Variants in CSMD3 observed in about 807,000 individuals in gnomAD.
CSMD3 encodes CUB and sushi domain-containing protein 3.
CSMD3 carries 177 observed loss-of-function variants against 435.2 expected under a neutral mutation model. That is an observed-to-expected ratio of 0.41 (90% confidence interval 0.36 to 0.46). The LOEUF is 0.46. CSMD3 is among the 20% of genes least tolerant of loss of function. The pLI is 0.34. For missense variants in CSMD3, 4,265 were observed against 4,504.6 expected, an observed-to-expected ratio of 0.95 and a Z score of 1.52; for synonymous variants, 1,656 against 1,520.5, an observed-to-expected ratio of 1.09 and a Z score of -2.07.
At chr8:113,284,789 T>G (rs573862176) in intron 2 of CSMD3, among the ~76,000 whole-genome samples, 3 of 152,348 alleles carry the variant, frequency 2.0e-5, no homozygotes, top group East Asian at 3.9e-4. Context: ...TTGCATATAT[T>G]GCTCGTTACT....
At chr8:113,038,727 C>G (rs1043578322) in intron 5 of CSMD3, among the ~76,000 whole-genome samples, 1 of 152,136 alleles carries the variant, frequency 6.6e-6, no homozygotes, top group Non-Finnish European at 1.5e-5. Flanking sequence ...GGAGCCCTTA[C>G]AGGAAAAACA....
chr8:112,861,855 G>A (rs2080836116), intron 10 of CSMD3, among the ~76,000 whole-genome samples: 1 of 151,788 alleles, frequency 6.6e-6, no homozygotes, highest in Non-Finnish European at 1.5e-5. Flanking sequence ...GTAATTCTCT[G>A]GCATCCTTTG....
At chr8:113,160,072 C>T (rs2092009233) in intron 4 of CSMD3, among the ~76,000 whole-genome samples, 2 of 151,674 alleles carry the variant, frequency 1.3e-5, no homozygotes, top group African/African-American at 4.8e-5. Context: ...TTGTAAATAA[C>T]AATAAGTGAG....
chr8:112,967,154 C>A (rs536800142), intron 7 of CSMD3, among the ~76,000 whole-genome samples: 19 of 140,952 alleles, frequency 1.3e-4, no homozygotes, highest in Admixed American at 8.3e-4. Context: ...ATTTGAAAAG[C>A]GTACTATAAG....
intron 10 of CSMD3, among the ~76,000 whole-genome samples, chr8:112,913,429 G>A (rs1357188167): frequency 6.6e-6 from 1 of 151,912 alleles, no homozygotes; most frequent in African/African-American, 2.4e-5. Flanking sequence ...CCTGCTGTGT[G>A]AGCCTGGTTC....
At chr8:112,279,219 T>G (rs1586634166) in intron 59 of CSMD3, among the ~76,000 whole-genome samples, 1 of 152,204 alleles carries the variant, frequency 6.6e-6, no homozygotes, top group East Asian at 1.9e-4. Context: ...GAACAGATTC[T>G]GATATGTAGT....
intron 42 of CSMD3, among the ~76,000 whole-genome samples, chr8:112,339,931 T>C (rs1824939563): frequency 6.6e-6 from 1 of 152,160 alleles, no homozygotes; most frequent in African/African-American, 2.4e-5. Flanking sequence ...TAATAATACG[T>C]CAGTAACAGT....
Position 113,222,566 on chromosome 8 carries a change from C to T in CSMD3, c.515-48650G>A, listed in dbSNP as rs567357445. ...GAATTTTACGAGGAGAAATAACTAT[C>T]ATTTCTCATCACCATGTAGATAAAA... On this transcript the variant is annotated intron_variant, in intron 3 of 70. Transcript: ENST00000297405. Among the ~76,000 whole-genome samples the T allele has an allele frequency of 3.3e-5, 5 of 151,142 alleles. No individual in the cohort carries two copies. In the South Asian group the frequency reaches 1.0e-3, roughly 31 times the overall value.
chr8:113,270,718 C>T (rs1184337429), intron 3 of CSMD3, among the ~76,000 whole-genome samples: 3 of 151,774 alleles, frequency 2.0e-5, no homozygotes, highest in Non-Finnish European at 4.4e-5. Context: ...AGCAAACTAT[C>T]GCAAGGACAA....
chr8:113,093,469 G>A (rs565583714), intron 5 of CSMD3, among the ~76,000 whole-genome samples: 5 of 152,226 alleles, frequency 3.3e-5, no homozygotes, highest in South Asian at 2.1e-4. Context: ...GTCAAATGTT[G>A]CAGATAAATC....
At chr8:113,425,260 A>T (rs2094629580) in intron 1 of CSMD3, among the ~76,000 whole-genome samples, 1 of 151,540 alleles carries the variant, frequency 6.6e-6, no homozygotes. Context: ...AAAGCATAAT[A>T]TTCTAAATTT....
chr8:112,722,871 T>G lies in CSMD3; in HGVS notation c.1973-32821A>C, dbSNP rs565536935. 8.5e-5 allele frequency among the ~76,000 whole-genome samples: 13 copies of G among 152,272 alleles called. No homozygotes were observed. The East Asian group carries it at 2.1e-3, about 25-fold the overall frequency. On this transcript the variant is annotated intron_variant, in intron 13 of 70. Coordinates refer to ENST00000297405, the MANE Select transcript of CSMD3 (RefSeq NM_198123.2). The stretch of plus-strand genomic sequence containing the variant: ...AGTGGGAGTATTAAGATGACTCACT[T>G]GTAACTGAAGATCAAAAATCACAAA...
chr8:113,102,421 G>A (rs975981203), intron 4 of CSMD3, among the ~76,000 whole-genome samples: 3 of 152,110 alleles, frequency 2.0e-5, no homozygotes, highest in Non-Finnish European at 4.4e-5. Context: ...TAATCTCTCT[G>A]ACTATAATGA....
At chr8:112,792,793 G>A (rs915788305) in intron 13 of CSMD3, among the ~76,000 whole-genome samples, 1 of 151,980 alleles carries the variant, frequency 6.6e-6, no homozygotes, top group Non-Finnish European at 1.5e-5. Flanking sequence ...TAAAAAATAT[G>A]TATCTTTTCT....
intron 12 of CSMD3, among the ~76,000 whole-genome samples, chr8:112,825,690 A>C (rs1254730119): frequency 6.6e-6 from 1 of 152,118 alleles, no homozygotes; most frequent in Non-Finnish European, 1.5e-5. Context: ...GGAGAACAGC[A>C]AGGATGGGTG....
At chr8:113,233,884 A>T (rs1174961947) in intron 3 of CSMD3, among the ~76,000 whole-genome samples, 2 of 152,224 alleles carry the variant, frequency 1.3e-5, no homozygotes, top group East Asian at 3.9e-4. Flanking sequence ...TGAGTTAGAT[A>T]AAAAGATCAG....
At chr8:113,069,783 T>C (rs1198051337) in intron 5 of CSMD3, among the ~76,000 whole-genome samples, 1 of 152,104 alleles carries the variant, frequency 6.6e-6, no homozygotes, top group Non-Finnish European at 1.5e-5. Context: ...GTAGAAGACA[T>C]GCCACTTTCA....
In CSMD3 at chr8:113,013,740, C is replaced by T. The variant is rs2086346849; in HGVS notation, c.1030+5327G>A. Reference sequence around the variant, plus strand: ...CTCTTTAACCACTGGGCTCAAGAGCCTGGGGAGCGAGTCCATTGTTTATGT... The same window carrying T: ...CTCTTTAACCACTGGGCTCAAGAGCTTGGGGAGCGAGTCCATTGTTTATGT... On this transcript the variant is annotated intron_variant, in intron 6 of 70. Transcript: ENST00000297405. Among the ~76,000 whole-genome samples the T allele has an allele frequency of 2.0e-5, 3 of 152,126 alleles. 1 individual carries two copies. The highest frequency in any genetic ancestry group is 6.8e-3 in the Middle Eastern group (2 of 294).
chr8:112,897,680 C>CTT (rs1359898103), intron 10 of CSMD3, among the ~76,000 whole-genome samples: 2 of 88,622 alleles, frequency 2.3e-5, no homozygotes, highest in Non-Finnish European at 4.5e-5. Context: ...CTCTCTCTCT[C>CTT]TCTCTCTCTC....
Sources: allele counts gnomAD v4.1 joint callset (sites outside exome capture counted in the v4.1 genomes callset), GRCh38; gene constraint gnomAD v4.1.1; transcripts MANE v1.5; gene names NCBI Gene and HGNC (gene_info 2026-07-23, HGNC 2026-07-21).